The following KCNJ1 variants were observed in gnomAD, a reference collection of about 807,000 sequenced individuals.
KCNJ1 encodes the protein potassium inwardly rectifying channel subfamily J member 1.
KCNJ1 carries 24 observed loss-of-function variants against 21.9 expected under a neutral mutation model. The observed-to-expected ratio is 1.10, with a 90% CI of 0.79 to 1.54. The LOEUF is 1.54. Ranked by LOEUF, KCNJ1 falls within the 40% of genes most tolerant of loss-of-function variation. The pLI is 0.00. For missense variants in KCNJ1, 457 were observed against 455.4 expected, an observed-to-expected ratio of 1.00 and a Z score of -0.03; for synonymous variants, 152 against 160.9, an observed-to-expected ratio of 0.94 and a Z score of 0.42.
rs1167087115 is a variant in KCNJ1, at chr11:128,838,219, G to C, written c.*906C>G. On this transcript the variant is annotated 3_prime_UTR_variant, in exon 3 of 3. Transcript: ENST00000392666. ...CCTTTTAGGAAGATGGGCTGTCAGGGAAAGAAAGACATAGTAACATTCTGA... is the reference window on the plus strand; with the variant it reads ...CCTTTTAGGAAGATGGGCTGTCAGGCAAAGAAAGACATAGTAACATTCTGA... The C allele has an allele frequency of 6.6e-6, 1 of 152,578 alleles. No individual in the cohort carries two copies. The highest frequency in any genetic ancestry group is 1.5e-5 in the Non-Finnish European group (1 of 68,046). 9.5% of individuals were successfully genotyped at this position (152,578 alleles called of 1,614,324 possible).
intron 1 of KCNJ1, among the ~76,000 whole-genome samples, chr11:128,860,851 C>A (rs1463115436): frequency 6.6e-6 from 1 of 152,244 alleles, no homozygotes; most frequent in Non-Finnish European, 1.5e-5. Context: ...GCACGCCCAG[C>A]CCCTTTCCTG....
chr11:128,855,497 TTA>T (rs2135954938), intron 1 of KCNJ1, among the ~76,000 whole-genome samples: 1 of 152,292 alleles, frequency 6.6e-6, no homozygotes, highest in South Asian at 2.1e-4. Context: ...ATTGAAGACA[TTA>T]TTGCAAAGAG....
chr11:128,862,355 G>C (rs957082106), intron 1 of KCNJ1, among the ~76,000 whole-genome samples: 3 of 152,180 alleles, frequency 2.0e-5, no homozygotes, highest in Non-Finnish European at 4.4e-5. Flanking sequence ...ATTCAAGCAG[G>C]ACTAGGAGTG....
At chr11:128,859,675 T>G (rs2135958994) in intron 1 of KCNJ1, among the ~76,000 whole-genome samples, 1 of 152,220 alleles carries the variant, frequency 6.6e-6, no homozygotes, top group Non-Finnish European at 1.5e-5. Context: ...AGGCTGGCCC[T>G]CCCTCCTCAC....
chr11:128,839,143 T>C lies in KCNJ1; in HGVS notation c.1101A>G (p.Thr367=), dbSNP rs987962949. 16 of 1,613,874 alleles carry C rather than the reference T, an allele frequency of 9.9e-6. 1 individual carries two copies. In the Admixed American group the frequency reaches 1.5e-4, roughly 15 times the overall value. Reference sequence around the variant, plus strand: ...GCCACTGTTACATTTTGGTGTCATCTGTTTCATTGACTTCTGACAAGATGA... The same window carrying C: ...GCCACTGTTACATTTTGGTGTCATCCGTTTCATTGACTTCTGACAAGATGA... ...PNFILSEVNE[T]DDTKM is the part of the protein sequence containing the mutation. The change falls in exon 3 of 3, where the codon ACA becomes ACG. Residue 367 remains threonine (T), a synonymous_variant. Coordinates refer to ENST00000392666, the MANE Select transcript of KCNJ1 (RefSeq NM_153766.3).
chr11:128,859,815 G>A (rs914912192), intron 1 of KCNJ1, among the ~76,000 whole-genome samples: 3 of 152,170 alleles, frequency 2.0e-5, no homozygotes, highest in Non-Finnish European at 4.4e-5. Flanking sequence ...GGGGGAGCTG[G>A]GCAGGAAATT....
chr11:128,842,484 T>G (rs1943300055), intron 2 of KCNJ1: 1 of 1,612,292 alleles, frequency 6.2e-7, no homozygotes. Context: ...TCTTTTAGAC[T>G]CAGCCTAATT....
chr11:128,838,796 T>G lies in KCNJ1; in HGVS notation c.*329A>C. The G allele has an allele frequency of 3.6e-6, 1 of 275,408 alleles. No individual in the cohort carries two copies. The highest frequency in any genetic ancestry group is 6.9e-6 in the Non-Finnish European group (1 of 145,384). The allele number at this position is 275,408 out of a possible 1,614,324, so 17.1% of individuals were successfully genotyped here. A position where few individuals can be genotyped will look rare whatever the true frequency, so the allele number is the denominator to read the frequency against. Reference sequence around the variant, plus strand: ...CTTTAAGGAAACTTTAAAAAATATTTTGTTTGGCCTGTTCATGAAACTTTT... The same window carrying G: ...CTTTAAGGAAACTTTAAAAAATATTGTGTTTGGCCTGTTCATGAAACTTTT... On this transcript the variant is annotated 3_prime_UTR_variant, in exon 3 of 3. Transcript: ENST00000392666.
At chr11:128,845,359 G>T (rs1477579792) in intron 2 of KCNJ1, among the ~76,000 whole-genome samples, 2 of 152,242 alleles carry the variant, frequency 1.3e-5, no homozygotes, top group Non-Finnish European at 2.9e-5. Context: ...AGACCCAGAA[G>T]GTTGGGTGGG....
At chr11:128,861,238 G>T (rs1384324814) in intron 1 of KCNJ1, among the ~76,000 whole-genome samples, 2 of 152,232 alleles carry the variant, frequency 1.3e-5, no homozygotes, top group African/African-American at 4.8e-5. Context: ...GCCAGCTTCC[G>T]CCCGAGGCGC....
At chr11:128,866,221 T>G (rs577505167) in intron 1 of KCNJ1, among the ~76,000 whole-genome samples, 1 of 152,182 alleles carries the variant, frequency 6.6e-6, no homozygotes, top group African/African-American at 2.4e-5. Flanking sequence ...AACCAAAGAT[T>G]CTAACTGCCC....
At chr11:128,859,620 C>T (rs1201145856) in intron 1 of KCNJ1, among the ~76,000 whole-genome samples, 1 of 152,150 alleles carries the variant, frequency 6.6e-6, no homozygotes, top group Non-Finnish European at 1.5e-5. Flanking sequence ...TGAGTGAATT[C>T]CTATGTCTAA....
rs7114745 is a variant in KCNJ1 at position 128,853,522 on chromosome 11, T to G, written c.-191-2632A>C. Among the ~76,000 whole-genome samples the G allele has an allele frequency of 9.5e-3, 1,446 of 152,312 alleles. 25 individuals are homozygous for G. Among genetic ancestry groups the G allele is most frequent in the African/African-American group, 0.028 (1,151 of 41,562 alleles). Reference sequence around the variant, plus strand: ...GGGGAAGAGGCGGATGGGGAGTGACTGCTAATGGGCACCAGGTTCTTTTGG... The same window carrying G: ...GGGGAAGAGGCGGATGGGGAGTGACGGCTAATGGGCACCAGGTTCTTTTGG... On this transcript the variant is annotated intron_variant, in intron 1 of 2. Coordinates refer to ENST00000392666, the MANE Select transcript of KCNJ1 (RefSeq NM_153766.3).
Position 128,839,293 on chromosome 11 carries a change from T to G in KCNJ1, c.951A>C (p.Lys317Asn). 1 of 1,614,204 alleles carries G rather than the reference T, an allele frequency of 6.2e-7. No homozygotes were observed. The highest frequency in any genetic ancestry group is 8.5e-7 in the Non-Finnish European group (1 of 1,180,028). Residue 317 changes from lysine to asparagine, a missense_variant, in exon 3 of 3, where the codon AAA (lysine) becomes AAC (asparagine). Physicochemically the swap from Lys to Asn is moderately conservative, Grantham distance 94 (BLOSUM62 0). Transcript: ENST00000392666. ...APIVSKTKEGKYRVDFHNFSK... is the reference protein window; with the variant it reads ...APIVSKTKEGNYRVDFHNFSK... ...TAAAGTTATGGAAATCCACTCGGTA[T>G]TTCCCTTCCTTTGTCTTGGATACTA...
intron 2 of KCNJ1, chr11:128,842,376 A>G: frequency 1.9e-6 from 3 of 1,613,820 alleles, no homozygotes; most frequent in Non-Finnish European, 2.5e-6. Flanking sequence ...CCCAGCCTCC[A>G]CTTACCAACG....
chr11:128,850,976 G>A, intron 1 of KCNJ1, 86 bp from the exon 2 acceptor site: 1 of 674,358 alleles, frequency 1.5e-6, no homozygotes, highest in Non-Finnish European at 1.8e-6. Flanking sequence ...AGTTAGTTTG[G>A]ACCAGGAACA....
At chr11:128,860,456 A>AT (rs959396321) in intron 1 of KCNJ1, among the ~76,000 whole-genome samples, 3 of 152,212 alleles carry the variant, frequency 2.0e-5, no homozygotes, top group Non-Finnish European at 4.4e-5. Flanking sequence ...AAATGAATTG[A>AT]TTTTTTTAAG....
intron 2 of KCNJ1, among the ~76,000 whole-genome samples, chr11:128,841,613 AT>A (rs758252700): frequency 3.9e-5 from 6 of 152,322 alleles, no homozygotes; most frequent in Non-Finnish European, 8.8e-5. Context: ...AGATTTCAAA[AT>A]CCCCCTTGAA....
At position 128,838,948 on chromosome 11, in the gene KCNJ1, C is replaced by G. The variant is rs985476111; in HGVS notation, c.*177G>C. On this transcript the variant is annotated 3_prime_UTR_variant, in exon 3 of 3. Transcript: ENST00000392666. ...TGCATTGCACGTTCTAATACAGTAG[C>G]CTTGTGGAGATGCATGTCTTGTGGG... 1.6e-6 allele frequency: 1 copy of G among 632,572 alleles called. No individual in the cohort carries two copies. The highest frequency in any genetic ancestry group is 1.8e-5 in the African/African-American group (1 of 54,630). The allele number at this position is 632,572 out of a possible 1,614,324, so 39.2% of individuals were successfully genotyped here. A position where few individuals can be genotyped will look rare whatever the true frequency, so the allele number is the denominator to read the frequency against.
Sources: gnomAD v4.1 joint callset for allele counts (sites outside exome capture counted in the v4.1 genomes callset) on GRCh38, gnomAD v4.1.1 for gene constraint, MANE v1.5 for transcripts, NCBI Gene and HGNC (gene_info 2026-07-23, HGNC 2026-07-21) for gene names.